The following PHKB variants were observed in gnomAD, a reference collection of about 807,000 sequenced individuals.
PHKB encodes the protein phosphorylase b kinase regulatory subunit beta.
PHKB carries 122 observed loss-of-function variants against 152.1 expected under a neutral mutation model. The observed-to-expected ratio is 0.80, with a 90% CI of 0.69 to 0.93. PHKB has a LOEUF of 0.93. PHKB is among the 40% of genes least tolerant of loss of function. The probability of loss-of-function intolerance (pLI) is 0.00; values close to 1 mark genes in which losing one functional copy is unlikely to be tolerated. For missense variants in PHKB, 1,304 were observed against 1,328.4 expected, an observed-to-expected ratio of 0.98 and a Z score of 0.29; for synonymous variants, 436 against 464.9, an observed-to-expected ratio of 0.94 and a Z score of 0.80.
chr16:47,616,355 G>A (rs1972513740), intron 14 of PHKB, among the ~76,000 whole-genome samples: 2 of 151,314 alleles, frequency 1.3e-5, no homozygotes, highest in Non-Finnish European at 1.5e-5. Context: ...TATATACGGT[G>A]TGAGGCATAG....
chr16:47,503,835 A>C (rs1349581731), intron 4 of PHKB, among the ~76,000 whole-genome samples: 1 of 152,174 alleles, frequency 6.6e-6, no homozygotes. Flanking sequence ...CTCAAAAAAC[A>C]AAAAGAAAAA....
chr16:47,617,421 T>TA (rs1406607029), intron 14 of PHKB, among the ~76,000 whole-genome samples: 1 of 152,022 alleles, frequency 6.6e-6, no homozygotes, highest in African/African-American at 2.4e-5. Context: ...AAAACTTCTG[T>TA]ACCCATTAAG....
intron 16 of PHKB, among the ~76,000 whole-genome samples, chr16:47,648,331 A>G (rs570550655): frequency 6.6e-6 from 1 of 152,328 alleles, no homozygotes; most frequent in Non-Finnish European, 1.5e-5. Flanking sequence ...GTAGATCTGC[A>G]GAAGTTTTGC....
intron 2 of PHKB, among the ~76,000 whole-genome samples, chr16:47,498,565 C>T (rs1050043158): frequency 6.6e-6 from 1 of 152,040 alleles, no homozygotes; most frequent in African/African-American, 2.4e-5. Flanking sequence ...GATCCCAGCT[C>T]CAGAACAGAA....
intron 1 of PHKB, among the ~76,000 whole-genome samples, chr16:47,474,005 A>G (rs1404005919): frequency 6.6e-6 from 1 of 152,210 alleles, no homozygotes; most frequent in East Asian, 1.9e-4. Context: ...CCTTTGGTCA[A>G]CATTCGAGAA....
At chr16:47,540,495 C>T (rs1239083925) in intron 6 of PHKB, among the ~76,000 whole-genome samples, 3 of 151,896 alleles carry the variant, frequency 2.0e-5, no homozygotes, top group Non-Finnish European at 4.4e-5. Context: ...TTTTGAAATC[C>T]TAAATAAAAC....
intron 26 of PHKB, among the ~76,000 whole-genome samples, chr16:47,673,780 TAGA>T (rs1332852274): frequency 3.9e-5 from 6 of 152,192 alleles, no homozygotes; most frequent in African/African-American, 1.4e-4. Context: ...CAATGAATAA[TAGA>T]AGAAGAATAA....
chr16:47,510,086 A>G (rs539832937), intron 4 of PHKB, among the ~76,000 whole-genome samples: 227 of 152,264 alleles, frequency 1.5e-3, no homozygotes, highest in African/African-American at 5.2e-3. Flanking sequence ...CACCAGATGA[A>G]GTGGTAGAAG....
At chr16:47,558,361 ACC>A (rs1157944315) in intron 7 of PHKB, among the ~76,000 whole-genome samples, 3 of 152,148 alleles carry the variant, frequency 2.0e-5, no homozygotes, top group African/African-American at 7.2e-5. Flanking sequence ...GTGCACATGT[ACC>A]CTAAAACTTA....
At chr16:47,571,788 C>T (rs369372788) in intron 7 of PHKB, among the ~76,000 whole-genome samples, 25 of 152,302 alleles carry the variant, frequency 1.6e-4, no homozygotes, top group African/African-American at 5.3e-4. Context: ...TCTTTCCCCA[C>T]GGAGCCCAGT....
chr16:47,611,985 G>A (rs1283526835), intron 14 of PHKB, among the ~76,000 whole-genome samples: 1 of 152,152 alleles, frequency 6.6e-6, no homozygotes, highest in African/African-American at 2.4e-5. Context: ...AATTGGCAGA[G>A]TTGTTCTCAG....
At chr16:47,662,927 T>A (rs1288168613) in intron 23 of PHKB, among the ~76,000 whole-genome samples, 1 of 152,134 alleles carries the variant, frequency 6.6e-6, no homozygotes, top group Non-Finnish European at 1.5e-5. Context: ...TAGTTTATAA[T>A]GAAAATGCTA....
intron 8 of PHKB, among the ~76,000 whole-genome samples, chr16:47,586,704 T>C (rs1415476200): frequency 6.6e-6 from 1 of 152,178 alleles, no homozygotes; most frequent in African/African-American, 2.4e-5. Flanking sequence ...AGTATTAAAG[T>C]AACATGAAAT....
chr16:47,593,320 C>G (rs570616114), intron 10 of PHKB, among the ~76,000 whole-genome samples, 180 bp from the exon 11 acceptor site: 2 of 152,088 alleles, frequency 1.3e-5, no homozygotes, highest in East Asian at 3.9e-4. Flanking sequence ...AGTCCCAGCC[C>G]TCCCACTTGG....
At position 47,536,407 on chromosome 16, in the gene PHKB, T is replaced by C. The variant is rs569826890; in HGVS notation, c.595-11026T>C. The stretch of plus-strand genomic sequence containing the variant: ...TTATACTTCCTCAAGAGGCCAGTTC[T>C]TACTAAATCATAGTATTATTTGTGT... On this transcript the variant is annotated intron_variant, in intron 6 of 30. Transcript: ENST00000323584. 9.5e-4 allele frequency among the ~76,000 whole-genome samples: 145 copies of C among 152,350 alleles called. 1 individual carries two copies. Among genetic ancestry groups the C allele is most frequent in the African/African-American group, 3.2e-3 (132 of 41,580 alleles).
At chr16:47,627,364 T>G (rs1972729237) in intron 14 of PHKB, among the ~76,000 whole-genome samples, 1 of 152,228 alleles carries the variant, frequency 6.6e-6, no homozygotes, top group Non-Finnish European at 1.5e-5. Context: ...GTCATTTCCT[T>G]AAGATAAAAA....
At chr16:47,616,512 T>C (rs1194927282) in intron 14 of PHKB, among the ~76,000 whole-genome samples, 1 of 145,800 alleles carries the variant, frequency 6.9e-6, no homozygotes, top group African/African-American at 2.5e-5. Context: ...TATATGTAAA[T>C]ATAAATATAT....
intron 14 of PHKB, among the ~76,000 whole-genome samples, chr16:47,621,466 T>A (rs1191731827): frequency 5.3e-5 from 8 of 152,224 alleles, no homozygotes; most frequent in Admixed American, 5.2e-4. Context: ...TTAAAAAGAT[T>A]TAAGGATATT....
At chr16:47,543,274 C>T (rs2151669666) in intron 6 of PHKB, among the ~76,000 whole-genome samples, 1 of 152,224 alleles carries the variant, frequency 6.6e-6, no homozygotes, top group South Asian at 2.1e-4. Flanking sequence ...TGGTTTTTGT[C>T]TTTGGTTCTG....
Sources: allele counts gnomAD v4.1 joint callset (sites outside exome capture counted in the v4.1 genomes callset), GRCh38; gene constraint gnomAD v4.1.1; transcripts MANE v1.5; gene names NCBI Gene and HGNC (gene_info 2026-07-23, HGNC 2026-07-21).